Variants in SIK3 observed in about 807,000 individuals in gnomAD.
SIK3 encodes the protein SIK family kinase 3.
A neutral mutation model predicts 144.2 loss-of-function variants in SIK3; 28 were observed. The observed-to-expected ratio is 0.19, with a 90% CI of 0.14 to 0.27. The LOEUF (loss-of-function observed/expected upper bound fraction) is 0.27, where lower values mean the gene tolerates loss of function less well. Ranked by LOEUF, SIK3 falls within the 10% of genes least tolerant of loss-of-function variation. The pLI is 1.00. For synonymous variants in SIK3, 686 were observed against 676.3 expected (o/e 1.01, Z -0.22); for missense variants, 1,319 against 1,776.0 (o/e 0.74, Z 4.62).
At chr11:116,978,809 G>A (rs566075530) in intron 1 of SIK3, among the ~76,000 whole-genome samples, 241 of 151,868 alleles carry the variant, frequency 1.6e-3, no homozygotes, top group African/African-American at 5.3e-3. Context: ...CACCCACCCC[G>A]TATTTATTAT....
intron 1 of SIK3, among the ~76,000 whole-genome samples, chr11:117,057,509 A>C (rs11216253): frequency 0.072 from 10,939 of 152,190 alleles, 468 homozygotes; most frequent in Middle Eastern, 0.11. Context: ...TTCAATAGGA[A>C]CAAGTACTCG....
Position 116,875,967 on chromosome 11 carries a change from T to C in SIK3, c.1138A>G (p.Ser380Gly). Reference sequence around the variant, plus strand: ...CTCTTATGTCGATCACACAGCAGGCTGTAGATTGCACTATAGTGATCATAG... The same window carrying C: ...CTCTTATGTCGATCACACAGCAGGCCGTAGATTGCACTATAGTGATCATAG... Reference protein sequence around the residue: ...DAYDHYSAIYSLLCDRHKRHK... With the variant: ...DAYDHYSAIYGLLCDRHKRHK... The change falls in exon 9 of 25, where the codon AGC (serine) becomes GGC (glycine). Residue 380 changes from serine (S) to glycine (G), a missense_variant. By Grantham distance (56) the Ser-to-Gly change is moderately conservative. Coordinates refer to ENST00000445177, the MANE Select transcript of SIK3 (RefSeq NM_001366686.3). The C allele has an allele frequency of 1.2e-6, 2 of 1,613,874 alleles. No individual in the cohort carries two copies. Among genetic ancestry groups the C allele is most frequent in the Non-Finnish European group, 1.7e-6 (2 of 1,179,952 alleles).
Position 116,861,392 on chromosome 11 carries a change from T to C in SIK3, c.2316-9A>G. On this transcript the variant is annotated splice_polypyrimidine_tract_variant and intron_variant, in intron 18 of 24. Coordinates refer to ENST00000445177, the MANE Select transcript of SIK3 (RefSeq NM_001366686.3). ...AAGGCTGAATCCTTAACCTTAAAAATAACAAAAGAGATACACAAAGAAGCT... is the reference window on the plus strand; with the variant it reads ...AAGGCTGAATCCTTAACCTTAAAAACAACAAAAGAGATACACAAAGAAGCT... 1 of 1,581,162 alleles carries C rather than the reference T, an allele frequency of 6.3e-7. No homozygotes were observed. The highest frequency in any genetic ancestry group is 8.6e-7 in the Non-Finnish European group (1 of 1,157,380).
At chr11:116,881,946 G>T (rs1425035331) in intron 6 of SIK3, among the ~76,000 whole-genome samples, 2 of 150,288 alleles carry the variant, frequency 1.3e-5, no homozygotes, top group African/African-American at 5.0e-5. Flanking sequence ...GATAATAAGA[G>T]GCCAAAGCAG....
chr11:117,086,021 GT>G (rs1954988222), intron 1 of SIK3, among the ~76,000 whole-genome samples: 1 of 152,196 alleles, frequency 6.6e-6, no homozygotes, highest in Non-Finnish European at 1.5e-5. Flanking sequence ...TGCTTTATCA[GT>G]TTTTCCCCTC....
At chr11:116,917,729 G>A (rs181669954) in intron 4 of SIK3, among the ~76,000 whole-genome samples, 70 of 147,620 alleles carry the variant, frequency 4.7e-4, no homozygotes, top group Non-Finnish European at 8.9e-4. Context: ...AAAGGAGGAA[G>A]GGAAAGAGAG....
chr11:116,907,359 A>G (rs746041341), intron 4 of SIK3, among the ~76,000 whole-genome samples: 6 of 152,232 alleles, frequency 3.9e-5, no homozygotes, highest in Admixed American at 2.0e-4. Flanking sequence ...TTGAAATTTA[A>G]AAATTTGCCA....
intron 1 of SIK3, among the ~76,000 whole-genome samples, chr11:117,024,523 G>A (rs1210127759): frequency 1.3e-5 from 2 of 152,150 alleles, no homozygotes; most frequent in South Asian, 2.1e-4. Context: ...TGCAACAGCT[G>A]TAAAGTCATC....
chr11:117,056,532 T>TATAG (rs1183493885), intron 1 of SIK3, among the ~76,000 whole-genome samples: 2 of 139,476 alleles, frequency 1.4e-5, no homozygotes, highest in African/African-American at 5.6e-5. Context: ...AATAAAAATA[T>TATAG]ATAGATAGAT....
At chr11:116,904,697 T>C (rs1271163775) in intron 4 of SIK3, 1 of 152,212 alleles carries the variant, frequency 6.6e-6, no homozygotes, top group Non-Finnish European at 1.5e-5. Flanking sequence ...TCATAAAATA[T>C]TTTCTTATAA....
intron 1 of SIK3, among the ~76,000 whole-genome samples, chr11:117,043,848 G>GTT (rs1952846690): frequency 6.6e-6 from 1 of 152,192 alleles, no homozygotes; most frequent in African/African-American, 2.4e-5. Context: ...TATAAACGAT[G>GTT]TTTTATTCAC....
chr11:116,909,728 G>A (rs540061358), intron 4 of SIK3, among the ~76,000 whole-genome samples: 217 of 152,228 alleles, frequency 1.4e-3, no homozygotes, highest in Middle Eastern at 6.8e-3. Context: ...GACAGGAAGA[G>A]AAAGCACTCA....
chr11:117,053,016 G>T (rs1293876945), intron 1 of SIK3, among the ~76,000 whole-genome samples: 1 of 152,054 alleles, frequency 6.6e-6, no homozygotes, highest in Non-Finnish European at 1.5e-5. Context: ...CTTCAAAAAA[G>T]CCACAGTCTA....
rs939491762 is a variant in SIK3, at chr11:117,098,045, C to A, written c.273+98G>T. The A allele has an allele frequency of 3.4e-6, 4 of 1,171,482 alleles. No individual in the cohort carries two copies. In the African/African-American group the frequency reaches 4.9e-5, roughly 14 times the overall value. 72.6% of individuals were successfully genotyped at this position (1,171,482 alleles called of 1,614,324 possible). A position where few individuals can be genotyped will look rare whatever the true frequency, so the allele number is the denominator to read the frequency against. On this transcript the variant is annotated intron_variant, in intron 1 of 24. Transcript: ENST00000445177. ...GCCTCCCGGCCCCCAACGCTCCCAC[C>A]ACGCGCCGCGCTCGCCGCCCCGACC...
At chr11:116,986,741 A>G (rs918079280) in intron 1 of SIK3, among the ~76,000 whole-genome samples, 1 of 152,218 alleles carries the variant, frequency 6.6e-6, no homozygotes, top group Non-Finnish European at 1.5e-5. Flanking sequence ...TGCATTACAG[A>G]AGACTGACTG....
chr11:116,956,716 G>C (rs550054223), intron 2 of SIK3, among the ~76,000 whole-genome samples: 2 of 152,190 alleles, frequency 1.3e-5, no homozygotes, highest in South Asian at 4.1e-4. Context: ...AAATTTTAAA[G>C]AACAAATTAA....
chr11:116,871,574 G>T (rs748598036), intron 13 of SIK3, among the ~76,000 whole-genome samples: 2 of 152,240 alleles, frequency 1.3e-5, no homozygotes, highest in African/African-American at 2.4e-5. Context: ...GCTGCAGTGT[G>T]AAAAGGGCTG....
intron 1 of SIK3, among the ~76,000 whole-genome samples, chr11:117,081,624 AAAAT>A (rs2134018518): frequency 6.6e-6 from 1 of 152,358 alleles, no homozygotes; most frequent in South Asian, 2.1e-4. Context: ...ACTCCGTCTC[AAAAT>A]AAATAAATTA....
chr11:116,950,250 A>C (rs1948871416), intron 3 of SIK3: 1 of 434,812 alleles, frequency 2.3e-6, no homozygotes, highest in Admixed American at 2.8e-5. Context: ...CTGATGTCCA[A>C]ATCCTCCTGG....
Sources: allele counts gnomAD v4.1 joint callset (sites outside exome capture counted in the v4.1 genomes callset), GRCh38; gene constraint gnomAD v4.1.1; transcripts MANE v1.5; gene names NCBI Gene and HGNC (gene_info 2026-07-23, HGNC 2026-07-21).